GHR: variants seen among roughly 807,000 people sequenced by gnomAD.
GHR encodes the protein growth hormone receptor.
GHR carries 35 observed loss-of-function variants against 67.1 expected under a neutral mutation model. The observed-to-expected ratio is 0.52, with a 90% CI of 0.40 to 0.69. The LOEUF (loss-of-function observed/expected upper bound fraction) is 0.69. Among genes scored for constraint, GHR ranks in the 30% least tolerant of loss-of-function variants. GHR has a pLI of 0.00. For synonymous variants in GHR, 272 were observed against 269.1 expected (o/e 1.01, Z -0.10); for missense variants, 792 against 764.6 (o/e 1.04, Z -0.42).
intron 3 of GHR, among the ~76,000 whole-genome samples, chr5:42,671,130 G>C (rs577689619): frequency 6.6e-6 from 1 of 152,176 alleles, no homozygotes; most frequent in South Asian, 2.1e-4. Context: ...AAATACCCAA[G>C]ACTGAGTAAT....
intron 3 of GHR, among the ~76,000 whole-genome samples, chr5:42,681,738 C>T (rs1580189891): frequency 6.6e-6 from 1 of 152,022 alleles, no homozygotes; most frequent in Non-Finnish European, 1.5e-5. Flanking sequence ...AGATCGAGAC[C>T]ATCCTGGCTA....
intron 1 of GHR, among the ~76,000 whole-genome samples, chr5:42,480,900 A>G (rs1429574365): frequency 6.6e-6 from 1 of 152,210 alleles, no homozygotes; most frequent in East Asian, 1.9e-4. Flanking sequence ...CAAAGTTAAT[A>G]TCATTATGTG....
chr5:42,715,940 C>T (rs1229257607), intron 8 of GHR, among the ~76,000 whole-genome samples: 1 of 152,174 alleles, frequency 6.6e-6, no homozygotes, highest in Non-Finnish European at 1.5e-5. Context: ...CTCTGCATGA[C>T]CTGCTTGGGC....
At chr5:42,717,490 T>C (rs1758776507) in intron 8 of GHR, among the ~76,000 whole-genome samples, 1 of 152,320 alleles carries the variant, frequency 6.6e-6, no homozygotes, top group South Asian at 2.1e-4. Flanking sequence ...AAATTTAATC[T>C]GTCCCATCTG....
intron 2 of GHR, among the ~76,000 whole-genome samples, chr5:42,621,420 A>G (rs1183890852): frequency 6.6e-6 from 1 of 152,144 alleles, no homozygotes; most frequent in African/African-American, 2.4e-5. Context: ...CGGATATCTC[A>G]GCACATGCAC....
At chr5:42,603,078 A>G (rs771898454) in intron 2 of GHR, among the ~76,000 whole-genome samples, 2 of 152,038 alleles carry the variant, frequency 1.3e-5, no homozygotes, top group Non-Finnish European at 2.9e-5. Context: ...GAAATTATTT[A>G]TCTTGCCTTT....
chr5:42,448,369 G>T (rs12518010), intron 1 of GHR, among the ~76,000 whole-genome samples: 2,813 of 151,852 alleles, frequency 0.019, 150 homozygotes, highest in East Asian at 0.11. Flanking sequence ...TTTTTTCCAT[G>T]TTTGTTGGGC....
At chr5:42,466,281 TC>T (rs1487599770) in intron 1 of GHR, among the ~76,000 whole-genome samples, 4 of 138,862 alleles carry the variant, frequency 2.9e-5, no homozygotes, top group African/African-American at 1.1e-4. Flanking sequence ...ATATCAAGGT[TC>T]AGGGGGTATA....
At chr5:42,499,463 T>G (rs1013200423) in intron 1 of GHR, among the ~76,000 whole-genome samples, 2 of 152,138 alleles carry the variant, frequency 1.3e-5, no homozygotes, top group African/African-American at 2.4e-5. Context: ...ATGTGAACAC[T>G]CATGTGTACA....
At chr5:42,512,543 C>T (rs1747060522) in intron 1 of GHR, among the ~76,000 whole-genome samples, 1 of 152,142 alleles carries the variant, frequency 6.6e-6, no homozygotes, top group South Asian at 2.1e-4. Context: ...AACTATAAGG[C>T]TGTGTGACCA....
intron 2 of GHR, among the ~76,000 whole-genome samples, chr5:42,620,020 CA>C (rs1293555253): frequency 1.3e-5 from 2 of 152,144 alleles, no homozygotes; most frequent in Non-Finnish European, 2.9e-5. Context: ...CAAAACCAGA[CA>C]AATGCATTCA....
chr5:42,542,072 T>G (rs139594212), intron 1 of GHR, among the ~76,000 whole-genome samples: 4 of 152,282 alleles, frequency 2.6e-5, no homozygotes, highest in African/African-American at 9.6e-5. Flanking sequence ...TGATTCCAAA[T>G]GAGATAATCC....
At chr5:42,510,593 A>G (rs1746969898) in intron 1 of GHR, among the ~76,000 whole-genome samples, 1 of 152,250 alleles carries the variant, frequency 6.6e-6, no homozygotes, top group Non-Finnish European at 1.5e-5. Context: ...AAAAAACTGT[A>G]GCAATAACCA....
rs1401645351 is a variant in GHR, at chr5:42,721,460, T to C, written c.*2036T>C. 8 of 152,474 alleles carry C rather than the reference T, an allele frequency of 5.2e-5. No individual in the cohort carries two copies. The highest frequency in any genetic ancestry group is 5.2e-4 in the Admixed American group (8 of 15,278). 9.4% of individuals were successfully genotyped at this position (152,474 alleles called of 1,614,324 possible). On this transcript the variant is annotated 3_prime_UTR_variant, in exon 10 of 10. Transcript: ENST00000230882. Reference sequence around the variant, plus strand: ...AGGACTATGAAAAGCTAGAATTGAGTGTTTAAAGTTCAACATGTTATTTGT... The same window carrying C: ...AGGACTATGAAAAGCTAGAATTGAGCGTTTAAAGTTCAACATGTTATTTGT...
chr5:42,577,698 A>G (rs1177724734), intron 2 of GHR, among the ~76,000 whole-genome samples: 1 of 152,196 alleles, frequency 6.6e-6, no homozygotes, highest in African/African-American at 2.4e-5. Flanking sequence ...TACATTTTGT[A>G]AAAGAGTTCA....
intron 1 of GHR, among the ~76,000 whole-genome samples, chr5:42,459,527 G>A (rs1744398853): frequency 6.6e-6 from 1 of 152,106 alleles, no homozygotes; most frequent in African/African-American, 2.4e-5. Context: ...TAGAGGGAGG[G>A]AAGAGGATGA....
At chr5:42,567,225 G>A (rs188775998) in intron 2 of GHR, among the ~76,000 whole-genome samples, 3 of 152,262 alleles carry the variant, frequency 2.0e-5, no homozygotes. Flanking sequence ...CACTGGGCAA[G>A]ATTTGAGGAA....
chr5:42,570,692 G>A (rs764420774), intron 2 of GHR, among the ~76,000 whole-genome samples: 4 of 152,154 alleles, frequency 2.6e-5, no homozygotes, highest in Admixed American at 2.0e-4. Context: ...GCCCAAGGAA[G>A]AATTTTGAAT....
intron 1 of GHR, among the ~76,000 whole-genome samples, chr5:42,461,015 A>C (rs562815543): frequency 1.3e-5 from 2 of 152,308 alleles, no homozygotes; most frequent in South Asian, 4.1e-4. Context: ...TTGCAGATGA[A>C]AAATTGAAGA....
Sources: allele counts gnomAD v4.1 joint callset (sites outside exome capture counted in the v4.1 genomes callset), GRCh38; gene constraint gnomAD v4.1.1; transcripts MANE v1.5; gene names NCBI Gene and HGNC (gene_info 2026-07-23, HGNC 2026-07-21).